The following TENM3 variants were observed in gnomAD, a reference collection of about 807,000 sequenced individuals.
The protein encoded by TENM3 is teneurin-3.
Under a neutral mutation model 255.1 loss-of-function variants are expected in TENM3, and 63 were observed. The observed-to-expected ratio is 0.25, with a 90% CI of 0.20 to 0.30. The LOEUF (loss-of-function observed/expected upper bound fraction) is 0.30. Among genes scored for constraint, TENM3 ranks in the 10% least tolerant of loss-of-function variants. TENM3 has a pLI of 1.00. For synonymous variants in TENM3, 1,306 were observed against 1,322.3 expected (o/e 0.99, Z 0.27); for missense variants, 2,929 against 3,461.1 (o/e 0.85, Z 3.86).
chr4:182,355,102 C>T (rs373462860), intron 3 of TENM3, among the ~76,000 whole-genome samples: 63 of 152,182 alleles, frequency 4.1e-4, no homozygotes, highest in African/African-American at 9.2e-4. Flanking sequence ...AGCCCAGAGC[C>T]GATTGTTGCC....
intron 24 of TENM3, among the ~76,000 whole-genome samples, chr4:182,786,907 C>A (rs1047109972): frequency 6.6e-6 from 1 of 152,098 alleles, no homozygotes; most frequent in African/African-American, 2.4e-5. Flanking sequence ...CAATCACAGG[C>A]GCTCAAGAGC....
chr4:181,895,822 G>C, the TENM3 span, among the ~76,000 whole-genome samples: 1 of 152,042 alleles, frequency 6.6e-6, no homozygotes, highest in South Asian at 2.1e-4. Context: ...TGGGATTACA[G>C]TTGTGAGCCA....
intron 13 of TENM3, among the ~76,000 whole-genome samples, chr4:182,724,766 A>G (rs1184040391): frequency 6.6e-6 from 1 of 152,198 alleles, no homozygotes; most frequent in Non-Finnish European, 1.5e-5. Context: ...CTTAACCCTT[A>G]ACTTACCAGA....
At position 182,801,105 on chromosome 4, in the gene TENM3, TAAA is replaced by T. The variant is rs745626041; in HGVS notation, c.*757_*759del. On this transcript the variant is annotated 3_prime_UTR_variant, in exon 28 of 28. Transcript: ENST00000511685. ...TGTAAAGTGTTTAAAAATTTATACTTAAAAATAAAATGATAAAAACGTGAACTG... is the reference window on the plus strand; with the variant it reads ...TGTAAAGTGTTTAAAAATTTATACTTAATAAAATGATAAAAACGTGAACTG... 2 of 152,634 alleles carry T rather than the reference TAAA, an allele frequency of 1.3e-5. No individual in the cohort carries two copies. The highest frequency in any genetic ancestry group is 4.8e-5 in the African/African-American group (2 of 41,440). The allele number at this position is 152,634 out of a possible 1,614,324, so 9.5% of individuals were successfully genotyped here.
In TENM3 at chr4:182,431,036, T is replaced by TAAAC. The variant is rs59913149; in HGVS notation, c.511+84127_511+84130dup. ...CTAAATAAATAAATAAATAAATAAA[T>TAAAC]AAACAAACAAACAAACAAACAAATA... On this transcript the variant is annotated intron_variant, in intron 3 of 27. Coordinates refer to ENST00000511685, the MANE Select transcript of TENM3 (RefSeq NM_001080477.4). Among the ~76,000 whole-genome samples, 136 of 146,944 alleles carry TAAAC rather than the reference T, an allele frequency of 9.3e-4. 1 individual carries two copies. The South Asian group carries it at 0.011, about 12-fold the overall frequency.
At chr4:181,819,299 A>G in the TENM3 span, among the ~76,000 whole-genome samples, 2 of 152,142 alleles carry the variant, frequency 1.3e-5, no homozygotes, top group African/African-American at 2.4e-5. Context: ...AGATCCAATT[A>G]CCAATGCCAC....
At chr4:181,582,669 C>CAAAA in the TENM3 span, among the ~76,000 whole-genome samples, 1 of 124,754 alleles carries the variant, frequency 8.0e-6, no homozygotes. Context: ...CAAAACAAAT[C>CAAAA]AAAAAAAAAA....
At chr4:182,174,643 G>A (rs1294521585) in intron 1 of TENM3, among the ~76,000 whole-genome samples, 1 of 152,018 alleles carries the variant, frequency 6.6e-6, no homozygotes, top group Non-Finnish European at 1.5e-5. Context: ...GGGAGGTGGA[G>A]GCAGTTGAAT....
chr4:182,125,768 C>CTT, the TENM3 span, among the ~76,000 whole-genome samples: 11 of 139,518 alleles, frequency 7.9e-5, no homozygotes, highest in South Asian at 2.3e-4. Flanking sequence ...CTTTCCTTGC[C>CTT]TTTTTTTTTT....
At chr4:182,595,639 G>A (rs575623616) in intron 3 of TENM3, among the ~76,000 whole-genome samples, 1 of 152,112 alleles carries the variant, frequency 6.6e-6, no homozygotes, top group Non-Finnish European at 1.5e-5. Context: ...TAAAGGAAAG[G>A]CACGTGGAAA....
intron 1 of TENM3, among the ~76,000 whole-genome samples, chr4:182,224,342 G>C (rs967236948): frequency 1.1e-4 from 16 of 152,214 alleles, no homozygotes; most frequent in Admixed American, 3.3e-4. Flanking sequence ...CTATATTTCT[G>C]GCTGGAATTC....
rs1579059225 is a variant in TENM3, at chr4:182,668,255, C to T, written c.1112-4750C>T. Among the ~76,000 whole-genome samples the T allele has an allele frequency of 2.0e-5, 3 of 152,072 alleles. 1 individual carries two copies. Among genetic ancestry groups the T allele is most frequent in the African/African-American group, 7.2e-5 (3 of 41,398 alleles). On this transcript the variant is annotated intron_variant, in intron 6 of 27. Coordinates refer to ENST00000511685, the MANE Select transcript of TENM3 (RefSeq NM_001080477.4). ...TTTTTGGCATACTGGAAGTTTTATG[C>T]TCCAAGACAATAAGTCATAGTAATA... is the stretch of plus-strand genomic sequence containing the variant.
chr4:182,126,424 C>T, the TENM3 span, among the ~76,000 whole-genome samples: 1 of 152,086 alleles, frequency 6.6e-6, no homozygotes, highest in African/African-American at 2.4e-5. Flanking sequence ...TTTGTAACAC[C>T]GAGGAGTCAG....
chr4:182,428,092 T>G (rs1771363942), intron 3 of TENM3, among the ~76,000 whole-genome samples: 1 of 152,134 alleles, frequency 6.6e-6, no homozygotes, highest in South Asian at 2.1e-4. Flanking sequence ...TCTTATAAGT[T>G]CAGTTTTGTG....
chr4:181,573,302 T>C, the TENM3 span, among the ~76,000 whole-genome samples: 3 of 152,350 alleles, frequency 2.0e-5, no homozygotes, highest in South Asian at 2.1e-4. Context: ...TTTTAGTTTT[T>C]TGAGGAACCT....
intron 22 of TENM3, among the ~76,000 whole-genome samples, chr4:182,757,644 T>G (rs1579368724): frequency 6.6e-6 from 1 of 152,302 alleles, no homozygotes; most frequent in Non-Finnish European, 1.5e-5. Context: ...ATTTTTTACC[T>G]TTTAAAGAAA....
chr4:181,895,281 A>C, the TENM3 span, among the ~76,000 whole-genome samples: 4 of 152,072 alleles, frequency 2.6e-5, no homozygotes, highest in Non-Finnish European at 4.4e-5. Context: ...AAACAAAATT[A>C]GTATTTTCGC....
intron 22 of TENM3, among the ~76,000 whole-genome samples, chr4:182,767,785 C>T (rs1474854368): frequency 6.6e-6 from 1 of 152,192 alleles, no homozygotes; most frequent in African/African-American, 2.4e-5. Context: ...CAGGCTAGCT[C>T]TGGGATGGCC....
intron 8 of TENM3, 100 bp downstream of exon 8, chr4:182,679,976 G>A: frequency 9.7e-7 from 1 of 1,034,774 alleles, no homozygotes; most frequent in Non-Finnish European, 1.4e-6. Flanking sequence ...AATTCCTAGG[G>A]TGTTAAAGCC....
Sources: gnomAD v4.1 joint callset for allele counts (sites outside exome capture counted in the v4.1 genomes callset) on GRCh38, gnomAD v4.1.1 for gene constraint, MANE v1.5 for transcripts, NCBI Gene and HGNC (gene_info 2026-07-23, HGNC 2026-07-21) for gene names.